Variants in SORCS1 observed in about 807,000 individuals in gnomAD.
SORCS1 encodes the protein VPS10 domain-containing receptor SorCS1.
SORCS1 carries 60 observed loss-of-function variants against 146.1 expected under a neutral mutation model. That is an observed-to-expected ratio of 0.41 (90% CI 0.33 to 0.51). The LOEUF (loss-of-function observed/expected upper bound fraction) is 0.51. Ranked by LOEUF, SORCS1 falls within the 20% of genes least tolerant of loss-of-function variation. The pLI is 0.21. For synonymous variants in SORCS1, 637 were observed against 584.0 expected (o/e 1.09, Z -1.31); for missense variants, 1,352 against 1,487.6 (o/e 0.91, Z 1.50).
chr10:106,916,498 A>G (rs1369198964), intron 2 of SORCS1, among the ~76,000 whole-genome samples: 1 of 147,780 alleles, frequency 6.8e-6, no homozygotes, highest in Non-Finnish European at 1.5e-5. Context: ...TACATATATA[A>G]TTATGTACAT....
chr10:107,054,978 T>C (rs1960465666), intron 1 of SORCS1, among the ~76,000 whole-genome samples: 1 of 152,120 alleles, frequency 6.6e-6, no homozygotes, highest in South Asian at 2.1e-4. Context: ...GAAGAGCCCA[T>C]CAGATAGTCA....
chr10:106,971,493 C>T (rs963911491), intron 1 of SORCS1, among the ~76,000 whole-genome samples: 4 of 152,176 alleles, frequency 2.6e-5, no homozygotes, highest in Non-Finnish European at 5.9e-5. Context: ...TTGCAATCTA[C>T]CAGCATTGCC....
In SORCS1 at chr10:106,664,012, T is replaced by C. The variant is rs373891297; in HGVS notation, c.2303+3677A>G. On this transcript the variant is annotated intron_variant, in intron 17 of 25. Transcript: ENST00000263054. ...ACACTAGCTTGCTCACCAATGCTGA[T>C]GCTTTTCTGCAAAATCTTTAAACGG... Among the ~76,000 whole-genome samples the C allele has an allele frequency of 4.6e-5, 7 of 152,332 alleles. No homozygotes were observed. In the South Asian group the frequency reaches 1.4e-3, roughly 32 times the overall value.
At chr10:106,641,147 T>A (rs923479932) in intron 18 of SORCS1, among the ~76,000 whole-genome samples, 2 of 152,116 alleles carry the variant, frequency 1.3e-5, no homozygotes, top group Non-Finnish European at 2.9e-5. Flanking sequence ...ATTGATGACA[T>A]TGGAATTTTT....
chr10:106,771,573 TTA>T (rs1383468284), intron 4 of SORCS1, among the ~76,000 whole-genome samples: 4 of 152,194 alleles, frequency 2.6e-5, no homozygotes, highest in African/African-American at 9.7e-5. Flanking sequence ...ACTGTTTAAA[TTA>T]TAGAAATAAA....
At chr10:106,971,099 C>A (rs565844148) in intron 1 of SORCS1, among the ~76,000 whole-genome samples, 162 of 152,102 alleles carry the variant, frequency 1.1e-3, no homozygotes, top group African/African-American at 3.6e-3. Context: ...TCAGGTCACC[C>A]TTTACACTGT....
At chr10:106,797,838 A>G (rs1946649017) in intron 3 of SORCS1, among the ~76,000 whole-genome samples, 1 of 152,204 alleles carries the variant, frequency 6.6e-6, no homozygotes, top group South Asian at 2.1e-4. Flanking sequence ...AGAGTGGCAC[A>G]CAGATGTAAA....
rs1253500703 is a variant in SORCS1 at position 107,060,164 on chromosome 10, T to C, written c.559-103584A>G. Among the ~76,000 whole-genome samples, 1 of 151,858 alleles carries C rather than the reference T, an allele frequency of 6.6e-6. No individual in the cohort carries two copies. The highest frequency in any genetic ancestry group is 1.5e-5 in the Non-Finnish European group (1 of 67,960). ...GTATCCCATATCAGATATGTACACA[T>C]GCACACTGGAATATTAAAATGTAGA... On this transcript the variant is annotated intron_variant, in intron 1 of 25. Transcript: ENST00000263054. The surrounding 1 kb of genome is among the most constrained non-coding windows in gnomAD (Gnocchi z 4.1).
intron 3 of SORCS1, among the ~76,000 whole-genome samples, chr10:106,817,967 G>A (rs1454976133): frequency 6.6e-6 from 1 of 152,164 alleles, no homozygotes; most frequent in Non-Finnish European, 1.5e-5. Flanking sequence ...AGCCTTTGTT[G>A]TCTGTACAAT....
intron 1 of SORCS1, among the ~76,000 whole-genome samples, chr10:107,153,154 GTCTC>G (rs1239291101): frequency 6.8e-6 from 1 of 147,126 alleles, no homozygotes; most frequent in Non-Finnish European, 1.5e-5. Flanking sequence ...TGTTATTTAT[GTCTC>G]TCTGTCTCCT....
intron 7 of SORCS1, among the ~76,000 whole-genome samples, chr10:106,708,554 A>G (rs1182664774): frequency 1.3e-5 from 2 of 152,182 alleles, no homozygotes; most frequent in Non-Finnish European, 1.5e-5. Context: ...GAATGCTGAA[A>G]AGCAGTGCAG....
At chr10:106,929,060 C>G (rs1329697376) in intron 2 of SORCS1, among the ~76,000 whole-genome samples, 1 of 152,010 alleles carries the variant, frequency 6.6e-6, no homozygotes, top group African/African-American at 2.4e-5. Context: ...AAGAAATGCA[C>G]AGGCTCTCAT....
chr10:106,919,903 T>C (rs1171730080), intron 2 of SORCS1, among the ~76,000 whole-genome samples: 4 of 152,216 alleles, frequency 2.6e-5, no homozygotes, highest in Non-Finnish European at 5.9e-5. Flanking sequence ...AATATAGTCA[T>C]GCTAAATACG....
chr10:106,713,946 A>G (rs1855175907), intron 6 of SORCS1, among the ~76,000 whole-genome samples: 2 of 152,088 alleles, frequency 1.3e-5, no homozygotes, highest in Admixed American at 1.3e-4. Flanking sequence ...AGCCTGACCA[A>G]CATAGTGAAA....
chr10:107,168,781 CAAG>C (rs1338860474), upstream of SORCS1, among the ~76,000 whole-genome samples: 1 of 148,950 alleles, frequency 6.7e-6, no homozygotes, highest in East Asian at 2.0e-4. Context: ...TGCAAAGAGA[CAAG>C]GTTTCTACGT....
intron 1 of SORCS1, among the ~76,000 whole-genome samples, chr10:107,144,108 C>T (rs1045939364): frequency 1.6e-4 from 24 of 152,136 alleles, no homozygotes; most frequent in African/African-American, 5.8e-4. Flanking sequence ...TTGCTTGTCT[C>T]ATGTTTTCAT....
chr10:106,599,366 T>TAAAAAA (rs1846095416), intron 23 of SORCS1, among the ~76,000 whole-genome samples: 1 of 130,604 alleles, frequency 7.7e-6, no homozygotes, highest in African/African-American at 3.1e-5. Flanking sequence ...AAACTCTAAT[T>TAAAAAA]CAAAAAAAAA....
chr10:107,006,281 T>A (rs918917281), intron 1 of SORCS1, among the ~76,000 whole-genome samples: 1 of 152,142 alleles, frequency 6.6e-6, no homozygotes, highest in Admixed American at 6.5e-5. Flanking sequence ...GCTAGCCCTG[T>A]GCTTAGCACC....
intron 1 of SORCS1, among the ~76,000 whole-genome samples, chr10:106,959,157 G>C (rs1955103103): frequency 6.6e-6 from 1 of 152,270 alleles, no homozygotes; most frequent in Non-Finnish European, 1.5e-5. Context: ...AGCAATCCCA[G>C]GGCAGGCGGG....
Sources: allele counts gnomAD v4.1 joint callset (sites outside exome capture counted in the v4.1 genomes callset), GRCh38; gene constraint gnomAD v4.1.1; non-coding constraint Gnocchi (gnomAD v3.1); transcripts MANE v1.5; gene names NCBI Gene and HGNC (gene_info 2026-07-23, HGNC 2026-07-21).